HIBADH: variants seen among roughly 807,000 people sequenced by gnomAD.
The protein encoded by HIBADH is 3-hydroxyisobutyrate dehydrogenase, mitochondrial.
Under a neutral mutation model 36.1 loss-of-function variants are expected in HIBADH, and 25 were observed. The observed-to-expected ratio is 0.69, with a 90% CI of 0.50 to 0.97. The LOEUF is 0.97. Among genes scored for constraint, HIBADH ranks in the 50% least tolerant of loss-of-function variants. HIBADH has a pLI of 0.00. For synonymous variants in HIBADH, 160 were observed against 149.5 expected (o/e 1.07, Z -0.51); for missense variants, 421 against 418.0 (o/e 1.01, Z -0.06).
At chr7:27,578,579 A>G (rs755216358) in intron 4 of HIBADH, among the ~76,000 whole-genome samples, 14 of 152,218 alleles carry the variant, frequency 9.2e-5, no homozygotes, top group Admixed American at 2.0e-4. Context: ...GGCCTCCTGA[A>G]GTGCCAGGAT....
In HIBADH at chr7:27,662,735, G is replaced by T; in HGVS notation, c.54C>A (p.Ser18Arg). The part of the protein sequence containing the change: ...LGAASGLRYW[S>R]RRLRPAAGSF... ...TGCCGGCTGCCGGCCGCAGCCGCCG[G>T]CTCCAGTACCGGAGACCGGAGGCAG... Residue 18 changes from serine to arginine, a missense_variant, in exon 1 of 8, where the codon AGC (serine) becomes AGA (arginine). Coordinates refer to ENST00000265395, the MANE Select transcript of HIBADH (RefSeq NM_152740.4). 6 of 1,401,604 alleles carry T rather than the reference G, an allele frequency of 4.3e-6. No homozygotes were observed. Among genetic ancestry groups the T allele is most frequent in the Non-Finnish European group, 5.6e-6 (6 of 1,072,748 alleles). 86.8% of individuals were successfully genotyped at this position (1,401,604 alleles called of 1,614,324 possible). A position where few individuals can be genotyped will look rare whatever the true frequency, so the allele number is the denominator to read the frequency against.
intron 4 of HIBADH, among the ~76,000 whole-genome samples, chr7:27,546,060 T>C (rs775592429): frequency 2.6e-5 from 4 of 152,184 alleles, no homozygotes; most frequent in Non-Finnish European, 4.4e-5. Context: ...AACTTCTTCA[T>C]AGATTGGCTG....
At chr7:27,548,114 T>C (rs186344192) in intron 4 of HIBADH, among the ~76,000 whole-genome samples, 2 of 152,216 alleles carry the variant, frequency 1.3e-5, no homozygotes, top group African/African-American at 4.8e-5. Flanking sequence ...CGTGGTAGTC[T>C]GTTTTGATTT....
intron 4 of HIBADH, among the ~76,000 whole-genome samples, chr7:27,585,758 G>T (rs1192927283): frequency 6.6e-6 from 1 of 152,134 alleles, no homozygotes; most frequent in African/African-American, 2.4e-5. Flanking sequence ...TTTGGGGCTT[G>T]TAACATTTAA....
intron 2 of HIBADH, among the ~76,000 whole-genome samples, chr7:27,640,948 C>T (rs1261146844): frequency 6.6e-6 from 1 of 152,152 alleles, no homozygotes; most frequent in African/African-American, 2.4e-5. Context: ...TTATGAGGTG[C>T]ATGACTACGG....
chr7:27,590,607 C>T (rs1784924446), intron 4 of HIBADH, among the ~76,000 whole-genome samples: 1 of 152,178 alleles, frequency 6.6e-6, no homozygotes, highest in African/African-American at 2.4e-5. Context: ...GGGACATCTG[C>T]TATTGCTTAA....
chr7:27,566,304 TC>T (rs1397040648), intron 4 of HIBADH, among the ~76,000 whole-genome samples: 2 of 152,080 alleles, frequency 1.3e-5, no homozygotes, highest in African/African-American at 2.4e-5. Context: ...TTTTTCTTTT[TC>T]AGAAAGTTTT....
At chr7:27,540,555 G>A (rs777022144) in intron 5 of HIBADH, among the ~76,000 whole-genome samples, 29 of 152,168 alleles carry the variant, frequency 1.9e-4, no homozygotes, top group Non-Finnish European at 3.4e-4. Context: ...TACTGTTAGG[G>A]GCTTGATGGC....
At chr7:27,650,698 G>C (rs1583620797) in intron 1 of HIBADH, among the ~76,000 whole-genome samples, 1 of 123,340 alleles carries the variant, frequency 8.1e-6, no homozygotes, top group African/African-American at 3.3e-5. Context: ...TCACCATGTT[G>C]ACCAGGCTGC....
chr7:27,646,388 T>C lies in HIBADH; in HGVS notation c.252+3085A>G, dbSNP rs138096876. ...GAAGTCAAAGACCTTTGTTTAGACA[T>C]TGGCTCTTGCTATTCATTCACTACA... is the stretch of plus-strand genomic sequence containing the variant. On this transcript the variant is annotated intron_variant, in intron 2 of 7. Transcript: ENST00000265395. 3.2e-3 allele frequency among the ~76,000 whole-genome samples: 493 copies of C among 152,344 alleles called. 6 individuals carry two copies. The highest frequency in any genetic ancestry group is 0.011 in the African/African-American group (464 of 41,588).
At chr7:27,581,274 T>G (rs1471971725) in intron 4 of HIBADH, among the ~76,000 whole-genome samples, 2 of 152,136 alleles carry the variant, frequency 1.3e-5, no homozygotes, top group Non-Finnish European at 2.9e-5. Flanking sequence ...ACAGTTGGAT[T>G]TGACCAGGGG....
At chr7:27,535,071 T>G (rs1464525239) in intron 6 of HIBADH, among the ~76,000 whole-genome samples, 2 of 149,024 alleles carry the variant, frequency 1.3e-5, no homozygotes, top group African/African-American at 4.9e-5. Context: ...CGATGGCATT[T>G]TATGAGTTTA....
In HIBADH at chr7:27,583,631, G is replaced by A. The variant is rs1583581372; in HGVS notation, c.485-40531C>T. On this transcript the variant is annotated intron_variant, in intron 4 of 7. Coordinates refer to ENST00000265395, the MANE Select transcript of HIBADH (RefSeq NM_152740.4). Reference sequence around the variant, plus strand: ...ATGTCAGATATTTATCTACATCACTGATTCATAATATGTAATTTAATCAAT... The same window carrying A: ...ATGTCAGATATTTATCTACATCACTAATTCATAATATGTAATTTAATCAAT... Among the ~76,000 whole-genome samples, 3 of 152,008 alleles carry A rather than the reference G, an allele frequency of 2.0e-5. No individual in the cohort carries two copies. In the East Asian group the frequency reaches 5.8e-4, roughly 29 times the overall value.
intron 4 of HIBADH, among the ~76,000 whole-genome samples, chr7:27,606,821 A>T (rs1785236136): frequency 6.6e-6 from 1 of 152,232 alleles, no homozygotes; most frequent in African/African-American, 2.4e-5. Context: ...ATTTTGTTCA[A>T]TATAGTTTAC....
chr7:27,531,686 T>C lies in HIBADH; in HGVS notation c.696-338A>G, dbSNP rs145545769. 3.2e-3 allele frequency among the ~76,000 whole-genome samples: 489 copies of C among 152,342 alleles called. 6 individuals carry two copies. The highest frequency in any genetic ancestry group is 0.011 in the African/African-American group (460 of 41,592). ...TAGTCTTTGGACATTACTACATTTA[T>C]ATGTCACATAAGAACCTTAAAACAA... On this transcript the variant is annotated intron_variant, in intron 6 of 7. Transcript: ENST00000265395.
intron 4 of HIBADH, among the ~76,000 whole-genome samples, chr7:27,583,469 G>T (rs934553718): frequency 4.0e-5 from 6 of 151,814 alleles, no homozygotes; most frequent in African/African-American, 1.5e-4. Flanking sequence ...TCCTTTTCAA[G>T]AAAAAGCTAC....
intron 1 of HIBADH, among the ~76,000 whole-genome samples, chr7:27,653,616 A>C (rs1181194582): frequency 6.6e-6 from 1 of 152,100 alleles, no homozygotes; most frequent in African/African-American, 2.4e-5. Flanking sequence ...AGGCGCCTGT[A>C]GTCCCAGCTA....
rs746293608 is a variant in HIBADH at position 27,649,565 on chromosome 7, T to C, written c.160A>G (p.Met54Val). 10 of 1,613,924 alleles carry C rather than the reference T, an allele frequency of 6.2e-6. No homozygotes were observed. Among genetic ancestry groups the C allele is most frequent in the South Asian group, 1.1e-5 (1 of 91,066 alleles). ...FIGLGNMGNPMAKNLMKHGYP... is the reference protein window; with the variant it reads ...FIGLGNMGNPVAKNLMKHGYP... ...CCATGTTTCATGAGATTTTTTGCCA[T>C]TGGATTCCCCATGTTGCCCAGTCCA... The change falls in exon 2 of 8, where the codon ATG (methionine) becomes GTG (valine). Residue 54 changes from methionine (M) to valine (V), a missense_variant. Physicochemically the swap from Met to Val is conservative, Grantham distance 21. Transcript: ENST00000265395.
At chr7:27,612,359 CTT>C (rs1785336460) in intron 4 of HIBADH, among the ~76,000 whole-genome samples, 1 of 146,072 alleles carries the variant, frequency 6.8e-6, no homozygotes, top group Non-Finnish European at 1.5e-5. Flanking sequence ...AAGTCTTGCT[CTT>C]GTCCCCCAGG....
Sources: gnomAD v4.1 joint callset for allele counts (sites outside exome capture counted in the v4.1 genomes callset) on GRCh38, gnomAD v4.1.1 for gene constraint, MANE v1.5 for transcripts, NCBI Gene and HGNC (gene_info 2026-07-23, HGNC 2026-07-21) for gene names.